PAPLN: variants seen among roughly 807,000 people sequenced by gnomAD.
PAPLN encodes the protein papilin.
Under a neutral mutation model 159.0 loss-of-function variants are expected in PAPLN, and 146 were observed. That is an observed-to-expected ratio of 0.92 (90% CI 0.80 to 1.05). The LOEUF (loss-of-function observed/expected upper bound fraction) is 1.05. PAPLN is among the 50% of genes least tolerant of loss of function. The pLI is 0.00. For missense variants in PAPLN, 1,720 were observed against 1,743.9 expected (o/e 0.99, Z 0.24); for synonymous variants, 734 against 702.9 (o/e 1.04, Z -0.70).
chr14:73,241,976 G>A (rs535696801), intron 2 of PAPLN, among the ~76,000 whole-genome samples: 3 of 152,212 alleles, frequency 2.0e-5, no homozygotes, highest in Non-Finnish European at 2.9e-5. Context: ...GGCGCCTAGC[G>A]CAGCATGAGA....
intron 16 of PAPLN, among the ~76,000 whole-genome samples, chr14:73,260,152 C>G (rs762960413): frequency 6.6e-6 from 1 of 152,142 alleles, no homozygotes; most frequent in African/African-American, 2.4e-5. Flanking sequence ...GACTTAACCT[C>G]TCTGATTTTG....
rs1317708575 is a variant in PAPLN, at chr14:73,263,921, C to G, written c.2861+139C>G. 6.6e-6 allele frequency: 6 copies of G among 911,778 alleles called. No homozygotes were observed. The African/African-American group carries it at 9.4e-5, about 14-fold the overall frequency. The allele number at this position is 911,778 out of a possible 1,614,324, so 56.5% of individuals were successfully genotyped here. A position where few individuals can be genotyped will look rare whatever the true frequency, so the allele number is the denominator to read the frequency against. On this transcript the variant is annotated intron_variant, in intron 20 of 26. Transcript: ENST00000644200. ...CTCCTTTGACAGGTGTGTGTGACAG[C>G]CCCCCTACCCCCTCTGACAGGTGTG...
chr14:73,250,823 G>T (rs955527482), intron 6 of PAPLN, 84 bp from the exon 7 acceptor site: 9 of 1,482,508 alleles, frequency 6.1e-6, no homozygotes, highest in Non-Finnish European at 8.1e-6. Context: ...GGCTGCGTGG[G>T]TGCTGGGGTT....
Position 73,242,538 on chromosome 14 carries a change from TG to T in PAPLN, c.55-2105del, listed in dbSNP as rs1883683472. On this transcript the variant is annotated intron_variant, in intron 2 of 26. Transcript: ENST00000644200. Reference sequence around the variant, plus strand: ...ACTTAAAATGTGGGATGAGGCTGTGTGTGGGGGGGGCGGGTGCCAGAATCCC... The same window carrying T: ...ACTTAAAATGTGGGATGAGGCTGTGTTGGGGGGGGCGGGTGCCAGAATCCC... 2.0e-5 allele frequency: 3 copies of T among 151,932 alleles called. No individual in the cohort carries two copies. The South Asian group carries it at 6.2e-4, about 32-fold the overall frequency. The allele number at this position is 151,932 out of a possible 1,614,324, so 9.4% of individuals were successfully genotyped here.
chr14:73,264,692 G>C lies in PAPLN; in HGVS notation c.3091G>C (p.Ala1031Pro). The change falls in exon 22 of 27, where the codon GCC becomes CCC. Residue 1031 changes from alanine (A) to proline (P), a missense_variant. By Grantham distance (27) the Ala-to-Pro change is conservative. Transcript: ENST00000644200. ...AGCGGGGGCTGCTGGGCCCCTGGGG[G>C]CCATCCCCTCTTCACACCCACAGCC... ...GQAGAAGPLGAIPSSHPQPAN... is the reference protein window; with the variant it reads ...GQAGAAGPLGPIPSSHPQPAN... 6.2e-7 allele frequency: 1 copy of C among 1,612,462 alleles called. No individual in the cohort carries two copies. The highest frequency in any genetic ancestry group is 8.5e-7 in the Non-Finnish European group (1 of 1,179,672).
At chr14:73,243,699 G>A (rs1325686493) in intron 2 of PAPLN, 1 of 152,220 alleles carries the variant, frequency 6.6e-6, no homozygotes, top group Non-Finnish European at 1.5e-5. Flanking sequence ...CAGCTGCAAG[G>A]GGTCCAATCT....
intron 14 of PAPLN, among the ~76,000 whole-genome samples, chr14:73,256,608 A>C (rs1425611923): frequency 1.3e-5 from 2 of 151,696 alleles, no homozygotes; most frequent in African/African-American, 4.8e-5. Flanking sequence ...TATTGTTTTA[A>C]ATATCCCTGG....
intron 25 of PAPLN, among the ~76,000 whole-genome samples, chr14:73,268,095 C>G (rs954407542): frequency 1.3e-5 from 2 of 151,918 alleles, no homozygotes; most frequent in Non-Finnish European, 2.9e-5. Context: ...CCGTATGCTC[C>G]TTCTTGAAAT....
Position 73,245,947 on chromosome 14 carries a change from C to T in PAPLN, c.232-126C>T. On this transcript the variant is annotated intron_variant, in intron 4 of 26. Transcript: ENST00000644200. This position sits in a 1 kb window ranked among gnomAD's most constrained non-coding sequence, Gnocchi z 4.2. ...GTTCGGGGGTCCGGGGGGCGGACTCCACCTCCGGCGGCTCCGATGGGGCAG... is the reference window on the plus strand; with the variant it reads ...GTTCGGGGGTCCGGGGGGCGGACTCTACCTCCGGCGGCTCCGATGGGGCAG... The T allele has an allele frequency of 9.7e-7, 1 of 1,035,004 alleles. No individual in the cohort carries two copies. Among genetic ancestry groups the T allele is most frequent in the Non-Finnish European group, 1.4e-6 (1 of 738,220 alleles). The allele number at this position is 1,035,004 out of a possible 1,614,324, so 64.1% of individuals were successfully genotyped here.
intron 3 of PAPLN, chr14:73,244,983 CT>C (rs1884038201): frequency 4.6e-6 from 2 of 438,814 alleles, no homozygotes; most frequent in Admixed American, 8.0e-5. Flanking sequence ...CCTGTTGCCC[CT>C]GGTCTCCAGC....
chr14:73,260,571 C>T (rs779598297), intron 16 of PAPLN, 138 bp from the exon 17 acceptor site: 11 of 1,161,498 alleles, frequency 9.5e-6, no homozygotes, highest in Non-Finnish European at 1.2e-5. Context: ...GCCTGCCCTG[C>T]ACACGGGGAC....
intron 5 of PAPLN, among the ~76,000 whole-genome samples, chr14:73,246,630 TTTTC>T (rs1341545145): frequency 4.1e-5 from 6 of 146,430 alleles, no homozygotes; most frequent in Admixed American, 1.4e-4. Flanking sequence ...TTCTTTTCCT[TTTTC>T]TTTCTTTCTT....
At chr14:73,242,258 C>T (rs990429133) in intron 2 of PAPLN, among the ~76,000 whole-genome samples, 4 of 152,180 alleles carry the variant, frequency 2.6e-5, no homozygotes, top group African/African-American at 9.7e-5. Flanking sequence ...AACAGCATGT[C>T]CCTTAGGGGG....
intron 11 of PAPLN, chr14:73,253,165 T>G: frequency 2.2e-6 from 3 of 1,368,810 alleles, no homozygotes; most frequent in African/African-American, 1.5e-5. Context: ...ACAAAGGACC[T>G]CTTACCTGCA....
At position 73,252,751 on chromosome 14, in the gene PAPLN, T is replaced by C. The variant is rs553566861; in HGVS notation, c.1070T>C (p.Leu357Pro). The change falls in exon 11 of 27, where the codon CTT (leucine) becomes CCT (proline). Residue 357 changes from leucine to proline, a missense_variant. Leu to Pro is a moderately conservative substitution (Grantham distance 98). Transcript: ENST00000644200. The part of the protein sequence containing the change: ...PRPADRRSCN[L>P]HPCPETKRWK... ...CCAGCTGACCGGCGTTCCTGCAATC[T>C]TCACCCTTGCCCGGAGACCAAGCGG... 3.8e-5 allele frequency: 62 copies of C among 1,613,536 alleles called. 1 individual carries two copies. In the South Asian group the frequency reaches 6.7e-4, roughly 17 times the overall value.
At chr14:73,262,288 A>T in intron 18 of PAPLN, 62 bp from the exon 19 acceptor site, 2 of 1,473,678 alleles carry the variant, frequency 1.4e-6, no homozygotes, top group African/African-American at 1.4e-5. Flanking sequence ...GGCTGAGAGG[A>T]TGGAGGGTGC....
rs1487136857 is a variant in PAPLN at position 73,244,651 on chromosome 14, A to G, written c.62A>G (p.Lys21Arg). The G allele has an allele frequency of 1.3e-6, 2 of 1,579,834 alleles. No individual in the cohort carries two copies. Among genetic ancestry groups the G allele is most frequent in the South Asian group, 1.2e-5 (1 of 85,896 alleles). Residue 21 changes from lysine (K) to arginine (R), a missense_variant, in exon 3 of 27, where the codon AAG becomes AGG. Lys to Arg is a conservative substitution (Grantham distance 26). Coordinates refer to ENST00000644200, the MANE Select transcript of PAPLN (RefSeq NM_001365906.3). ...TGGTCCTGTCTTCTGCAGGCTCCCA[A>G]GGTGAGGCGGCAGAGTGACACCTGG... ...LAPAPGSSAP[K>R]VRRQSDTWGP...
At chr14:73,249,929 G>A in intron 5 of PAPLN, 55 bp from the exon 6 acceptor site, 1 of 1,541,156 alleles carries the variant, frequency 6.5e-7, no homozygotes, top group Non-Finnish European at 8.8e-7. Context: ...CTTGGGTCTT[G>A]GGGAGGGGCA....
Position 73,259,324 on chromosome 14 carries a change from C to T in PAPLN, c.1764C>T (p.His588=). 6.2e-7 allele frequency: 1 copy of T among 1,606,716 alleles called. No individual in the cohort carries two copies. The highest frequency in any genetic ancestry group is 1.3e-5 in the African/African-American group (1 of 74,932). The change falls in exon 16 of 27, where the codon CAC becomes CAT. Residue 588 remains histidine (H), a synonymous_variant. Transcript: ENST00000644200. ...AACACCCCTCAGCCAGGGGTGACCA[C>T]AGGGGAGAACGAGGTGACCCCAGGG... ...AQEHPSARGD[H]RGERGDPRGD...
Sources: gnomAD v4.1 joint callset for allele counts (sites outside exome capture counted in the v4.1 genomes callset) on GRCh38, gnomAD v4.1.1 for gene constraint, Gnocchi (gnomAD v3.1) non-coding constraint, MANE v1.5 for transcripts, NCBI Gene and HGNC (gene_info 2026-07-23, HGNC 2026-07-21) for gene names.